Variants in TLL1 observed in about 807,000 individuals in gnomAD.
The protein encoded by TLL1 is tolloid like 1.
TLL1 carries 49 observed loss-of-function variants against 128.2 expected under a neutral mutation model. The ratio of observed to expected loss-of-function variants is 0.38; its 90% CI spans 0.30 to 0.48. TLL1 has a LOEUF of 0.48. Among genes scored for constraint, TLL1 ranks in the 20% least tolerant of loss-of-function variants. The pLI is 0.96. For synonymous variants in TLL1, 454 were observed against 418.8 expected (o/e 1.08, Z -1.03); for missense variants, 1,123 against 1,242.0 (o/e 0.90, Z 1.44).
chr4:166,021,242 G>A (rs1738216846), intron 8 of TLL1, among the ~76,000 whole-genome samples: 1 of 151,722 alleles, frequency 6.6e-6, no homozygotes, highest in African/African-American at 2.4e-5. Context: ...AATGCATTTA[G>A]CTATTTCTTT....
At chr4:165,942,694 A>G (rs1734074794) in intron 1 of TLL1, among the ~76,000 whole-genome samples, 1 of 151,348 alleles carries the variant, frequency 6.6e-6, no homozygotes, top group Non-Finnish European at 1.5e-5. Flanking sequence ...TGCTTCTTCC[A>G]TTGTAAAAAT....
Position 165,874,070 on chromosome 4 carries a change from G to C in TLL1, c.166G>C (p.Ala56Pro), listed in dbSNP as rs767687320. 1 of 1,614,106 alleles carries C rather than the reference G, an allele frequency of 6.2e-7. No homozygotes were observed. Among genetic ancestry groups the C allele is most frequent in the Admixed American group, 1.7e-5 (1 of 60,030 alleles). The change falls in exon 1 of 21, where the codon GCC becomes CCC. Residue 56 changes from alanine (A) to proline (P), a missense_variant. Physicochemically the swap from Ala to Pro is conservative, Grantham distance 27. Around this residue, in one of 3 missense-constraint regions of TLL1, gnomAD observed 480 missense variants for 542.4 expected, o/e 0.89. Coordinates refer to ENST00000061240, the MANE Select transcript of TLL1 (RefSeq NM_012464.5). Reference protein sequence around the residue: ...ETIDYKDPCKAAVFWGDIALD... With the variant: ...ETIDYKDPCKPAVFWGDIALD... ...TATAGATTACAAGGACCCGTGTAAAGCCGGTAAGTGGCTCTCCAGGTTGGG... is the reference window on the plus strand; with the variant it reads ...TATAGATTACAAGGACCCGTGTAAACCCGGTAAGTGGCTCTCCAGGTTGGG...
At chr4:166,094,646 A>T (rs922737509) in intron 19 of TLL1, among the ~76,000 whole-genome samples, 11 of 152,184 alleles carry the variant, frequency 7.2e-5, no homozygotes, top group African/African-American at 2.7e-4. Context: ...AGTTGAAATT[A>T]GAGTCCTGGC....
chr4:165,897,662 CTTTT>C lies in TLL1; in HGVS notation c.169+23610_169+23613del, dbSNP rs951819686. ...TATAGTTTGAAGTCAGGTAGTCCAG[CTTTT>C]TTTTTTTTTTTTTTTTTTTTGCTTA... On this transcript the variant is annotated intron_variant, in intron 1 of 20. Transcript: ENST00000061240. Among the ~76,000 whole-genome samples, 455 of 47,530 alleles carry C rather than the reference CTTTT, an allele frequency of 9.6e-3. 1 individual carries two copies. The highest frequency in any genetic ancestry group is 0.04 in the African/African-American group (442 of 11,140). 31.2% of individuals were successfully genotyped at this position (47,530 alleles called of 152,430 possible).
In TLL1 at chr4:166,104,085, G is replaced by A. The variant is rs140919394; in HGVS notation, c.*3209G>A. On this transcript the variant is annotated 3_prime_UTR_variant, in exon 21 of 21. Transcript: ENST00000061240. ...TGTCACAGTATGAGATTCAAATTCT[G>A]TTTAACTTTGTTTTAAAATAGCTTG... 0.012 allele frequency among the ~76,000 whole-genome samples: 1,820 copies of A among 151,806 alleles called. 22 individuals are homozygous for A. The highest frequency in any genetic ancestry group is 0.031 in the Middle Eastern group (9 of 294).
chr4:166,004,554 G>A lies in TLL1; in HGVS notation c.811+985G>A, dbSNP rs372067187. ...TAATATATGTTGAAAATACCATAGAGTCCAAGCAAGGCATGACGAAAAGTC... is the reference window on the plus strand; with the variant it reads ...TAATATATGTTGAAAATACCATAGAATCCAAGCAAGGCATGACGAAAAGTC... On this transcript the variant is annotated intron_variant, in intron 6 of 20. Transcript: ENST00000061240. Among the ~76,000 whole-genome samples the A allele has an allele frequency of 3.4e-4, 51 of 152,188 alleles. No individual in the cohort carries two copies. In the East Asian group the frequency reaches 4.3e-3, roughly 13 times the overall value.
At chr4:165,948,275 G>A (rs1010684520) in intron 1 of TLL1, among the ~76,000 whole-genome samples, 1 of 152,068 alleles carries the variant, frequency 6.6e-6, no homozygotes, top group Admixed American at 6.6e-5. Flanking sequence ...TAATTTCACA[G>A]GTCCACAGAT....
intron 1 of TLL1, among the ~76,000 whole-genome samples, chr4:165,935,260 A>G (rs765838768): frequency 3.9e-5 from 6 of 152,184 alleles, no homozygotes; most frequent in Non-Finnish European, 7.4e-5. Flanking sequence ...AAATCATGCT[A>G]GAAATACCTC....
intron 19 of TLL1, among the ~76,000 whole-genome samples, chr4:166,098,206 G>A (rs1320333492): frequency 6.6e-6 from 1 of 151,804 alleles, no homozygotes; most frequent in Admixed American, 6.6e-5. Flanking sequence ...GTGGTAGTGA[G>A]CGCCTGTAGT....
At chr4:166,046,752 A>G (rs1384892932) in intron 12 of TLL1, among the ~76,000 whole-genome samples, 1 of 152,332 alleles carries the variant, frequency 6.6e-6, no homozygotes, top group South Asian at 2.1e-4. Flanking sequence ...GGCAACCTGT[A>G]TTAATGCGTC....
At chr4:165,883,789 T>TC (rs1027135439) in intron 1 of TLL1, among the ~76,000 whole-genome samples, 13 of 152,058 alleles carry the variant, frequency 8.5e-5, no homozygotes, top group Non-Finnish European at 1.5e-4. Flanking sequence ...AGAAGATAAA[T>TC]CCCCCCAATA....
intron 19 of TLL1, among the ~76,000 whole-genome samples, chr4:166,097,659 A>T (rs937308051): frequency 2.0e-5 from 3 of 152,120 alleles, no homozygotes; most frequent in Non-Finnish European, 4.4e-5. Flanking sequence ...AAGTCAACAA[A>T]CCACAATATG....
intron 1 of TLL1, among the ~76,000 whole-genome samples, chr4:165,957,598 C>T (rs1354118551): frequency 6.6e-6 from 1 of 151,682 alleles, no homozygotes; most frequent in Non-Finnish European, 1.5e-5. Context: ...GATTTTGGTG[C>T]ACCCATCACC....
intron 1 of TLL1, among the ~76,000 whole-genome samples, chr4:165,877,293 C>T (rs751015378): frequency 2.6e-5 from 4 of 152,178 alleles, no homozygotes; most frequent in African/African-American, 4.8e-5. Flanking sequence ...AGCACAGCTG[C>T]GGATATATTT....
chr4:166,055,636 G>T (rs1463964136), intron 13 of TLL1, among the ~76,000 whole-genome samples: 1 of 152,150 alleles, frequency 6.6e-6, no homozygotes, highest in African/African-American at 2.4e-5. Flanking sequence ...CCAGGTGCCA[G>T]CATTACTCCC....
At chr4:166,072,202 G>C (rs572320363) in intron 16 of TLL1, among the ~76,000 whole-genome samples, 1 of 151,928 alleles carries the variant, frequency 6.6e-6, no homozygotes, top group Non-Finnish European at 1.5e-5. Context: ...CCGCCTAACA[G>C]ATAACTTTTC....
chr4:165,933,790 T>A (rs1733641426), intron 1 of TLL1, among the ~76,000 whole-genome samples: 1 of 152,116 alleles, frequency 6.6e-6, no homozygotes, highest in South Asian at 2.1e-4. Context: ...CACTCTCCAC[T>A]TCTGCTTTTC....
In TLL1 at chr4:165,873,958, G is replaced by T; in HGVS notation, c.54G>T (p.Gly18=). 6.2e-7 allele frequency: 1 copy of T among 1,614,156 alleles called. No homozygotes were observed. The highest frequency in any genetic ancestry group is 1.1e-5 in the South Asian group (1 of 91,084). The part of the protein sequence containing the change: ...PRMLVWLVAS[G]IVFYGELWVC... ...TGCTCGTGTGGCTGGTGGCCTCGGG[G>T]ATTGTTTTCTACGGGGAGCTATGGG... is the stretch of plus-strand genomic sequence containing the variant. The change falls in exon 1 of 21, where the codon GGG becomes GGT. Residue 18 remains glycine, a synonymous_variant. Transcript: ENST00000061240.
chr4:166,097,655 A>G (rs905778658), intron 19 of TLL1, among the ~76,000 whole-genome samples: 21 of 152,144 alleles, frequency 1.4e-4, no homozygotes, highest in African/African-American at 3.9e-4. Flanking sequence ...TTAAAAGTCA[A>G]CAAACCACAA....
Sources: allele counts gnomAD v4.1 joint callset (sites outside exome capture counted in the v4.1 genomes callset), GRCh38; gene constraint gnomAD v4.1.1; regional missense constraint gnomAD v4.1.1; transcripts MANE v1.5; gene names NCBI Gene and HGNC (gene_info 2026-07-23, HGNC 2026-07-21).